The following SEMA5A variants were observed in gnomAD, a reference collection of about 807,000 sequenced individuals.
The protein encoded by SEMA5A is semaphorin 5A.
Under a neutral mutation model 135.5 loss-of-function variants are expected in SEMA5A, and 55 were observed. The ratio of observed to expected loss-of-function variants is 0.41; its 90% CI spans 0.33 to 0.51. SEMA5A has a LOEUF of 0.51. Among genes scored for constraint, SEMA5A ranks in the 20% least tolerant of loss-of-function variants. The probability of loss-of-function intolerance (pLI) is 0.37; values close to 1 mark genes in which losing one functional copy is unlikely to be tolerated. For synonymous variants in SEMA5A, 580 were observed against 546.5 expected (o/e 1.06, Z -0.85); for missense variants, 1,290 against 1,419.9 (o/e 0.91, Z 1.47).
chr5:9,242,512 C>T (rs1376721588), intron 5 of SEMA5A, among the ~76,000 whole-genome samples: 2 of 152,146 alleles, frequency 1.3e-5, no homozygotes, highest in Non-Finnish European at 2.9e-5. Context: ...ACCTCAAAAT[C>T]AAAAGACTAG....
chr5:9,148,602 T>C (rs1251728087), intron 12 of SEMA5A, among the ~76,000 whole-genome samples: 1 of 152,180 alleles, frequency 6.6e-6, no homozygotes, highest in African/African-American at 2.4e-5. Flanking sequence ...TGCCCCTTCA[T>C]ATACCCGCAC....
At chr5:9,359,088 A>G (rs1426069688) in intron 3 of SEMA5A, among the ~76,000 whole-genome samples, 1 of 152,042 alleles carries the variant, frequency 6.6e-6, no homozygotes, top group Admixed American at 6.5e-5. Flanking sequence ...CAGCACCCAA[A>G]CCAGACACAT....
At chr5:9,182,916 T>G (rs529119740) in intron 11 of SEMA5A, among the ~76,000 whole-genome samples, 5 of 152,196 alleles carry the variant, frequency 3.3e-5, no homozygotes, top group African/African-American at 1.2e-4. Context: ...CTTTCAGTAA[T>G]TATTATTATG....
chr5:9,238,320 T>C (rs1748020241), intron 5 of SEMA5A, among the ~76,000 whole-genome samples: 1 of 152,202 alleles, frequency 6.6e-6, no homozygotes, highest in Non-Finnish European at 1.5e-5. Flanking sequence ...ATGTCATTTA[T>C]CAATATTCAT....
Position 9,476,462 on chromosome 5 carries a change from C to T in SEMA5A, c.-174-38610G>A, listed in dbSNP as rs1759670319. ...AACAGCTTTTCATACTGTTAGCTGC[C>T]TTTTTGGTTTCTTGATAAAAGCTAA... is the stretch of plus-strand genomic sequence containing the variant. On this transcript the variant is annotated intron_variant, in intron 1 of 22. Transcript: ENST00000382496. Among the ~76,000 whole-genome samples, 9 of 152,036 alleles carry T rather than the reference C, an allele frequency of 5.9e-5. No individual in the cohort carries two copies. The South Asian group carries it at 1.9e-3, about 32-fold the overall frequency.
Position 9,129,270 on chromosome 5 carries a change from G to T in SEMA5A, c.1600-6433C>A, listed in dbSNP as rs148821222. On this transcript the variant is annotated intron_variant, in intron 13 of 22. Coordinates refer to ENST00000382496, the MANE Select transcript of SEMA5A (RefSeq NM_003966.3). ...AAGGAACTGCATTGGGCAAATCACA[G>T]TGAGAACACACAGCAATTGCACTCT... Among the ~76,000 whole-genome samples, 338 of 152,364 alleles carry T rather than the reference G, an allele frequency of 2.2e-3. 4 individuals are homozygous for T. The highest frequency in any genetic ancestry group is 5.4e-4 in the Non-Finnish European group (37 of 68,040).
intron 3 of SEMA5A, among the ~76,000 whole-genome samples, chr5:9,350,318 A>G (rs1754058114): frequency 6.6e-6 from 1 of 152,196 alleles, no homozygotes; most frequent in African/African-American, 2.4e-5. Context: ...CGGGAACCGT[A>G]TTCATAAGTG....
chr5:9,109,679 G>C (rs1376906932), intron 15 of SEMA5A, among the ~76,000 whole-genome samples: 1 of 152,128 alleles, frequency 6.6e-6, no homozygotes. Context: ...TATTAATAAA[G>C]GCTTAATCCT....
intron 1 of SEMA5A, among the ~76,000 whole-genome samples, chr5:9,467,832 T>C (rs925836975): frequency 2.0e-5 from 3 of 152,208 alleles, no homozygotes; most frequent in African/African-American, 7.2e-5. Flanking sequence ...GCAGAATTAC[T>C]AAATGCTACA....
chr5:9,330,156 C>A (rs184918272), intron 4 of SEMA5A, among the ~76,000 whole-genome samples: 2 of 151,818 alleles, frequency 1.3e-5, no homozygotes, highest in Admixed American at 1.3e-4. Flanking sequence ...GATGGGAGGC[C>A]GAGGTGGGCG....
chr5:9,215,582 G>T (rs1357215486), intron 8 of SEMA5A, among the ~76,000 whole-genome samples: 1 of 152,172 alleles, frequency 6.6e-6, no homozygotes, highest in African/African-American at 2.4e-5. Flanking sequence ...GGCTACTAGA[G>T]CTAGAGGAGG....
chr5:9,142,953 GACAA>G (rs138971316), intron 12 of SEMA5A, among the ~76,000 whole-genome samples: 44,091 of 151,672 alleles, frequency 0.29, 6,482 homozygotes, highest in Non-Finnish European at 0.32. Context: ...ATCCATCTCA[GACAA>G]ACAAACAAAC....
chr5:9,147,724 C>CAAAAAAAAAAAAA, intron 12 of SEMA5A, among the ~76,000 whole-genome samples: 1 of 102,488 alleles, frequency 9.8e-6, no homozygotes, highest in Non-Finnish European at 1.9e-5. Context: ...TAAAACAAAC[C>CAAAAAAAAAAAAA]AAAAAAAAAA....
intron 3 of SEMA5A, among the ~76,000 whole-genome samples, chr5:9,376,536 C>A (rs964977011): frequency 1.3e-5 from 2 of 152,204 alleles, no homozygotes; most frequent in African/African-American, 4.8e-5. Context: ...AACACAGGCA[C>A]CTGTTAGGAC....
chr5:9,475,400 G>A (rs1037014899), intron 1 of SEMA5A, among the ~76,000 whole-genome samples: 1 of 152,182 alleles, frequency 6.6e-6, no homozygotes, highest in Non-Finnish European at 1.5e-5. Flanking sequence ...TCCAAAGAAA[G>A]GACCGTGTCC....
chr5:9,481,903 G>T (rs535361447), intron 1 of SEMA5A, among the ~76,000 whole-genome samples: 1 of 152,132 alleles, frequency 6.6e-6, no homozygotes, highest in African/African-American at 2.4e-5. Flanking sequence ...TCTGTCTGTC[G>T]CAGGCCTTGG....
chr5:9,133,784 C>CTTTTTT (rs35633508), intron 13 of SEMA5A, among the ~76,000 whole-genome samples: 4 of 142,840 alleles, frequency 2.8e-5, no homozygotes, highest in Non-Finnish European at 6.1e-5. Flanking sequence ...TTCTTTCTTT[C>CTTTTTT]TTTTTTTTTT....
At chr5:9,415,680 T>C (rs1176775277) in intron 2 of SEMA5A, among the ~76,000 whole-genome samples, 1 of 152,338 alleles carries the variant, frequency 6.6e-6, no homozygotes, top group East Asian at 1.9e-4. Context: ...GCAATTTTCC[T>C]TTAAATAAAA....
rs1298068327 is a variant in SEMA5A, at chr5:9,162,454, A to ATG, written c.1274-7760_1274-7759insCA. On this transcript the variant is annotated intron_variant, in intron 11 of 22. Coordinates refer to ENST00000382496, the MANE Select transcript of SEMA5A (RefSeq NM_003966.3). Reference sequence around the variant, plus strand: ...TGTATATATATGTGTATGTGTATATATATGTGTGTGTATATATATGTGTGT... The same window carrying ATG: ...TGTATATATATGTGTATGTGTATATATGTATGTGTGTGTATATATATGTGTGT... Among the ~76,000 whole-genome samples, 18 of 53,688 alleles carry ATG rather than the reference A, an allele frequency of 3.4e-4. 1 individual carries two copies. Among genetic ancestry groups the ATG allele is most frequent in the East Asian group, 1.5e-3 (3 of 1,984 alleles). The allele number at this position is 53,688 out of a possible 152,430, so 35.2% of individuals were successfully genotyped here.
Sources: gnomAD v4.1 joint callset for allele counts (sites outside exome capture counted in the v4.1 genomes callset) on GRCh38, gnomAD v4.1.1 for gene constraint, MANE v1.5 for transcripts, NCBI Gene and HGNC (gene_info 2026-07-23, HGNC 2026-07-21) for gene names.